Variants in MYBPC3 observed in about 807,000 individuals in gnomAD.
The protein encoded by MYBPC3 is myosin-binding protein C, cardiac-type.
In MYBPC3, 108 loss-of-function variants were observed where a neutral mutation model predicts 159.3. That is an observed-to-expected ratio of 0.68 (90% CI 0.58 to 0.80). The LOEUF is 0.80. Among genes scored for constraint, MYBPC3 ranks in the 30% least tolerant of loss-of-function variants. The pLI, the probability that MYBPC3 is intolerant of heterozygous loss-of-function variation, is 0.00. For missense variants in MYBPC3, 1,631 were observed against 1,762.1 expected, an observed-to-expected ratio of 0.93 and a Z score of 1.33; for synonymous variants, 730 against 702.0, an observed-to-expected ratio of 1.04 and a Z score of -0.63.
chr11:47,343,159 G>T lies in MYBPC3; in HGVS notation c.1227-14C>A, dbSNP rs574567658. On this transcript the variant is annotated splice_polypyrimidine_tract_variant and intron_variant, in intron 14 of 34. Transcript: ENST00000545968. ...TCAAAGATGTACCTGGGTGGGGGCC[G>T]CAGGGAAGTGGCAGGAAAGCTGCGG... 1.2e-6 allele frequency: 2 copies of T among 1,606,914 alleles called. No individual in the cohort carries two copies. Among genetic ancestry groups the T allele is most frequent in the South Asian group, 1.1e-5 (1 of 90,158 alleles).
At chr11:47,331,922 T>C in intron 33 of MYBPC3, 41 bp from the exon 34 acceptor site, 1 of 1,606,382 alleles carries the variant, frequency 6.2e-7, no homozygotes, top group Middle Eastern at 1.8e-4. Context: ...CTCCCAGCCT[T>C]CTGGAAGCTA....
chr11:47,345,579 G>C (rs2142863632), intron 12 of MYBPC3, among the ~76,000 whole-genome samples: 1 of 152,288 alleles, frequency 6.6e-6, no homozygotes, highest in South Asian at 2.1e-4. Context: ...ACATGGTGGG[G>C]AGAAGGCATG....
rs1257675098 is a variant in MYBPC3, at chr11:47,338,787, T to C, written c.2149-108A>G. The C allele has an allele frequency of 1.6e-6, 2 of 1,280,662 alleles. No homozygotes were observed. The highest frequency in any genetic ancestry group is 2.6e-5 in the Admixed American group (1 of 38,430). The allele number at this position is 1,280,662 out of a possible 1,614,324, so 79.3% of individuals were successfully genotyped here. On this transcript the variant is annotated intron_variant, in intron 22 of 34. Coordinates refer to ENST00000545968, the MANE Select transcript of MYBPC3 (RefSeq NM_000256.3). This position sits in a 1 kb window ranked among gnomAD's most constrained non-coding sequence, Gnocchi z 4.7. Reference sequence around the variant, plus strand: ...GGGTCCATGGGGGGAACACAGCCTGTGGGAAGACTGCATCCACGTCAGCAT... The same window carrying C: ...GGGTCCATGGGGGGAACACAGCCTGCGGGAAGACTGCATCCACGTCAGCAT...
In MYBPC3 at chr11:47,339,705, G is replaced by GCC. The variant is rs2095886347; in HGVS notation, c.2012_2013insGG (p.Pro672AlafsTer11). 1 of 1,613,602 alleles carries GCC rather than the reference G, an allele frequency of 6.2e-7. No homozygotes were observed. Among genetic ancestry groups the GCC allele is most frequent in the Non-Finnish European group, 8.5e-7 (1 of 1,179,712 alleles). On this transcript the variant is annotated frameshift_variant, in exon 21 of 35. Coordinates refer to ENST00000545968, the MANE Select transcript of MYBPC3 (RefSeq NM_000256.3). LOFTEE classifies it high-confidence loss of function. ...TGGGAGCAGGGTCCCCAGAGATAGG[G>GCC]ACGTCCAGACGTAGCTTATTTCCAG...
rs1595846231 is a variant in MYBPC3 at position 47,342,700 on chromosome 11, T to C, written c.1502A>G (p.Tyr501Cys). Reference protein sequence around the residue: ...VELTREETFKYRFKKDGQRHH... With the variant: ...VELTREETFKCRFKKDGQRHH... Reference sequence around the variant, plus strand: ...TCTCTGCCCGTCCTTCTTGAACCGGTATTTGAAGGTCTCCTCCCGGGTCAG... The same window carrying C: ...TCTCTGCCCGTCCTTCTTGAACCGGCATTTGAAGGTCTCCTCCCGGGTCAG... Residue 501 changes from tyrosine (Y) to cysteine (C), a missense_variant, in exon 17 of 35, where the codon TAC becomes TGC. Physicochemically the swap from Tyr to Cys is radical, Grantham distance 194. Coordinates refer to ENST00000545968, the MANE Select transcript of MYBPC3 (RefSeq NM_000256.3). 6.2e-7 allele frequency: 1 copy of C among 1,613,940 alleles called. No individual in the cohort carries two copies. Among genetic ancestry groups the C allele is most frequent in the Non-Finnish European group, 8.5e-7 (1 of 1,179,878 alleles).
intron 12 of MYBPC3, among the ~76,000 whole-genome samples, chr11:47,345,543 T>G (rs1298763835): frequency 1.3e-5 from 2 of 152,112 alleles, no homozygotes; most frequent in Non-Finnish European, 2.9e-5. Flanking sequence ...GCTCGAGGTG[T>G]GTGCCAGGCC....
At chr11:47,333,161 G>A (rs1440101327) in intron 30 of MYBPC3, 33 bp downstream of exon 30, 1 of 1,589,430 alleles carries the variant, frequency 6.3e-7, no homozygotes, top group South Asian at 1.1e-5. Flanking sequence ...GCCTAGGCAG[G>A]GTGCACGTGG....
In MYBPC3 at chr11:47,332,656, C is replaced by T. The variant is rs1595841107; in HGVS notation, c.3537G>A (p.Glu1179=). Residue 1179 remains glutamate (E), a synonymous_variant, in exon 32 of 35, where the codon GAG becomes GAA. Transcript: ENST00000545968. This position sits in a 1 kb window ranked among gnomAD's most constrained non-coding sequence, Gnocchi z 4.2. ...CCAGGGGCTGGGTGAAGCTTGGGGC[C>T]TCGGAGAAGTCCAGGGCCTTATAGT... is the stretch of plus-strand genomic sequence containing the variant. ...PPNYKALDFS[E]APSFTQPLVN... 6.2e-7 allele frequency: 1 copy of T among 1,613,688 alleles called. No homozygotes were observed. Among genetic ancestry groups the T allele is most frequent in the Non-Finnish European group, 8.5e-7 (1 of 1,179,776 alleles).
In MYBPC3 at chr11:47,346,056, T is replaced by C; in HGVS notation, c.1090+151A>G. 2 of 1,123,412 alleles carry C rather than the reference T, an allele frequency of 1.8e-6. No individual in the cohort carries two copies. The highest frequency in any genetic ancestry group is 5.3e-5 in the East Asian group (2 of 37,708). 69.6% of individuals were successfully genotyped at this position (1,123,412 alleles called of 1,614,324 possible). ...TGTGAGTCTCTGTGCTAAGCCGGACTCCGCTCTTTCCATGTATGTGGACGA... is the reference window on the plus strand; with the variant it reads ...TGTGAGTCTCTGTGCTAAGCCGGACCCCGCTCTTTCCATGTATGTGGACGA... On this transcript the variant is annotated intron_variant, in intron 12 of 34. Coordinates refer to ENST00000545968, the MANE Select transcript of MYBPC3 (RefSeq NM_000256.3). This position sits in a 1 kb window ranked among gnomAD's most constrained non-coding sequence, Gnocchi z 5.3.
Position 47,346,602 on chromosome 11 carries a change from G to T in MYBPC3, c.926+25C>A, listed in dbSNP as rs3729991. 34,553 of 1,569,618 alleles carry T rather than the reference G, an allele frequency of 0.022. 430 individuals carry two copies. The highest frequency in any genetic ancestry group is 0.026 in the Non-Finnish European group (29,576 of 1,156,892). ...CCTGGCAGAATTAGGGGTGATGAGG[G>T]TGCTGTGCTATGTTGGGCACTCACC... On this transcript the variant is annotated intron_variant, in intron 11 of 34. Coordinates refer to ENST00000545968, the MANE Select transcript of MYBPC3 (RefSeq NM_000256.3). This position sits in a 1 kb window ranked among gnomAD's most constrained non-coding sequence, Gnocchi z 5.3.
At chr11:47,344,929 T>C (rs2095892673) in intron 12 of MYBPC3, among the ~76,000 whole-genome samples, 1 of 152,164 alleles carries the variant, frequency 6.6e-6, no homozygotes, top group African/African-American at 2.4e-5. Context: ...TAGCTGGGAT[T>C]ACAGGCGCCT....
At position 47,347,667 on chromosome 11, in the gene MYBPC3, C is replaced by A; in HGVS notation, c.835G>T (p.Gly279Cys). The change falls in exon 8 of 35, where the codon GGT becomes TGT. Residue 279 changes from glycine to cysteine, a missense_variant. Coordinates refer to ENST00000545968, the MANE Select transcript of MYBPC3 (RefSeq NM_000256.3). ...SAFRRTSLAG[G>C]GRRISDSHED... Reference sequence around the variant, plus strand: ...CAGGGGTACCTGATCCGCCGACCACCTCCAGCCAGGCTCCTGTGGGGGTTA... The same window carrying A: ...CAGGGGTACCTGATCCGCCGACCACATCCAGCCAGGCTCCTGTGGGGGTTA... 6.4e-7 allele frequency: 1 copy of A among 1,574,354 alleles called. No homozygotes were observed. Among genetic ancestry groups the A allele is most frequent in the Non-Finnish European group, 8.6e-7 (1 of 1,160,236 alleles).
At chr11:47,337,893 GC>G in intron 23 of MYBPC3, 99 bp from the exon 24 acceptor site, 4 of 899,532 alleles carry the variant, frequency 4.4e-6, no homozygotes, top group Non-Finnish European at 6.8e-6. Flanking sequence ...GCCACAGGCT[GC>G]CCCCACCACC....
rs397516019 is a variant in MYBPC3 at position 47,332,824 on chromosome 11, G to GATAA, written c.3476_3479dup (p.Pro1161TyrfsTer9). On this transcript the variant is annotated frameshift_variant, in exon 31 of 35. Coordinates refer to ENST00000545968, the MANE Select transcript of MYBPC3 (RefSeq NM_000256.3). LOFTEE classifies it high-confidence loss of function. The surrounding 1 kb of genome is among the most constrained non-coding windows in gnomAD (Gnocchi z 4.2). The stretch of plus-strand genomic sequence containing the variant: ...ATGAGGGTACAGCACCTGGTCTGGG[G>GATAA]ATAAAGACGGGCTCCTTGGTGGTGG... The GATAA allele has an allele frequency of 6.2e-7, 1 of 1,606,214 alleles. No homozygotes were observed.
chr11:47,339,931 G>A (rs1177666293), intron 20 of MYBPC3, 141 bp from the exon 21 acceptor site: 1 of 882,212 alleles, frequency 1.1e-6, no homozygotes, highest in African/African-American at 1.7e-5. Context: ...GCTCAGATCT[G>A]ACAGTAGGCT....
At chr11:47,348,232 C>T (rs577219156) in intron 6 of MYBPC3, among the ~76,000 whole-genome samples, 192 bp downstream of exon 6, 3 of 152,350 alleles carry the variant, frequency 2.0e-5, no homozygotes, top group African/African-American at 7.2e-5. Flanking sequence ...GACCCGGACT[C>T]AGCCCTAAGC....
At chr11:47,347,356 G>C in intron 9 of MYBPC3, 70 bp downstream of exon 9, 1 of 1,551,292 alleles carries the variant, frequency 6.4e-7, no homozygotes, top group Non-Finnish European at 8.7e-7. Context: ...CACACAGCTG[G>C]CAAACCACAG....
Position 47,332,416 on chromosome 11 carries a change from C to T in MYBPC3, c.3627+150G>A. On this transcript the variant is annotated intron_variant, in intron 32 of 34. Coordinates refer to ENST00000545968, the MANE Select transcript of MYBPC3 (RefSeq NM_000256.3). This position sits in a 1 kb window ranked among gnomAD's most constrained non-coding sequence, Gnocchi z 4.2. ...ACAAACATGGAACCAAGAGTGAGTA[C>T]CATGGCCCTGCCCAGGGGGAGGAAC... The T allele has an allele frequency of 1.4e-6, 2 of 1,407,674 alleles. No homozygotes were observed. The highest frequency in any genetic ancestry group is 1.9e-6 in the Non-Finnish European group (2 of 1,031,214). The allele number at this position is 1,407,674 out of a possible 1,614,324, so 87.2% of individuals were successfully genotyped here.
In MYBPC3 at chr11:47,335,871, A is replaced by G; in HGVS notation, c.2737+6T>C. The stretch of plus-strand genomic sequence containing the variant: ...GGGGAGGGGGGTTGGGGGCGGGGAC[A>G]CTCACAGCCCTCTGGGCAGTACTCC... On this transcript the variant is annotated splice_donor_region_variant and intron_variant, in intron 26 of 34. Coordinates refer to ENST00000545968, the MANE Select transcript of MYBPC3 (RefSeq NM_000256.3). The G allele has an allele frequency of 6.8e-7, 1 of 1,479,764 alleles. No homozygotes were observed. The highest frequency in any genetic ancestry group is 9.0e-7 in the Non-Finnish European group (1 of 1,106,198). 91.7% of individuals were successfully genotyped at this position (1,479,764 alleles called of 1,614,324 possible).
Sources: gnomAD v4.1 joint callset for allele counts (sites outside exome capture counted in the v4.1 genomes callset) on GRCh38, gnomAD v4.1.1 for gene constraint, Gnocchi (gnomAD v3.1) non-coding constraint, MANE v1.5 for transcripts, NCBI Gene and HGNC (gene_info 2026-07-23, HGNC 2026-07-21) for gene names.